HYPK: variants seen among roughly 807,000 people sequenced by gnomAD.
HYPK encodes huntingtin interacting protein K.
Under a neutral mutation model 13.9 loss-of-function variants are expected in HYPK, and 9 were observed. The observed-to-expected ratio is 0.65, with a 90% CI of 0.39 to 1.13. The LOEUF (loss-of-function observed/expected upper bound fraction) is 1.13. Ranked by LOEUF, HYPK falls within the 50% of genes most tolerant of loss-of-function variation. The pLI is 0.01. For synonymous variants in HYPK, 76 were observed against 57.0 expected, an observed-to-expected ratio of 1.33 and a Z score of -1.50; for missense variants, 138 against 157.6, an observed-to-expected ratio of 0.88 and a Z score of 0.67.
chr15:43,800,648 T>A lies in HYPK; in HGVS notation c.26T>A (p.Leu9Gln). 1 of 1,613,992 alleles carries A rather than the reference T, an allele frequency of 6.2e-7. No individual in the cohort carries two copies. The highest frequency in any genetic ancestry group is 8.5e-7 in the Non-Finnish European group (1 of 1,180,002). Reference sequence around the variant, plus strand: ...ATGGCGACCGAGGGGGATGTGGAGCTGGAGTTGGAGACTGAGACCAGTGGA... The same window carrying A: ...ATGGCGACCGAGGGGGATGTGGAGCAGGAGTTGGAGACTGAGACCAGTGGA... MATEGDVE[L>Q]ELETETSGPE... The change falls in exon 1 of 4, where the codon CTG (leucine) becomes CAG (glutamine). Residue 9 changes from leucine (L) to glutamine (Q), a missense_variant. Leu to Gln is a moderately radical substitution (Grantham distance 113, BLOSUM62 -2). This residue lies in a region of HYPK where 43 missense variants were observed against 30.4 expected (regional missense o/e 1.41). Transcript: ENST00000442995.
rs542367693 is a variant in HYPK at position 43,802,519 on chromosome 15, A to G, written c.*713A>G. The G allele has an allele frequency of 1.7e-4, 25 of 144,908 alleles. No homozygotes were observed. The highest frequency in any genetic ancestry group is 6.0e-4 in the African/African-American group (23 of 38,556). The allele number at this position is 144,908 out of a possible 1,614,324, so 9.0% of individuals were successfully genotyped here. On this transcript the variant is annotated 3_prime_UTR_variant, in exon 4 of 4. Transcript: ENST00000442995. ...AGAGGTTGCAGTGAGCTGAGATCAC[A>G]CTACTGTACTACTGTACTCCAGCCT...
chr15:43,801,189 TAAGTC>T lies in HYPK; in HGVS notation c.218+3_218+7del. 1 of 1,613,608 alleles carries T rather than the reference TAAGTC, an allele frequency of 6.2e-7. No individual in the cohort carries two copies. Among genetic ancestry groups the T allele is most frequent in the Non-Finnish European group, 8.5e-7 (1 of 1,179,622 alleles). ...GGAGCAGAAAGCCAAACAGGAGCGG[TAAGTC>T]TTCAGGGGCAGCCAACTTTAACAGT... On this transcript the variant is annotated splice_donor_5th_base_variant and intron_variant, in intron 2 of 3. Transcript: ENST00000442995.
chr15:43,802,013 A>C lies in HYPK; in HGVS notation c.*207A>C. 3.3e-5 allele frequency: 19 copies of C among 573,048 alleles called. No individual in the cohort carries two copies. Among genetic ancestry groups the C allele is most frequent in the Non-Finnish European group, 4.7e-5 (15 of 322,286 alleles). The allele number at this position is 573,048 out of a possible 1,614,324, so 35.5% of individuals were successfully genotyped here. ...AAAAATCAGTGTAGAAGAATACCTC[A>C]TGTGCAGATGCTAGGTGGCAGGCCA... is the stretch of plus-strand genomic sequence containing the variant. On this transcript the variant is annotated 3_prime_UTR_variant, in exon 4 of 4. Transcript: ENST00000442995.
In HYPK at chr15:43,802,265, T is replaced by A. The variant is rs2087326214; in HGVS notation, c.*459T>A. 6.4e-6 allele frequency: 1 copy of A among 155,982 alleles called. No homozygotes were observed. Among genetic ancestry groups the A allele is most frequent in the Admixed American group, 6.2e-5 (1 of 16,070 alleles). The allele number at this position is 155,982 out of a possible 1,614,324, so 9.7% of individuals were successfully genotyped here. A position where few individuals can be genotyped will look rare whatever the true frequency, so the allele number is the denominator to read the frequency against. On this transcript the variant is annotated 3_prime_UTR_variant, in exon 4 of 4. Transcript: ENST00000442995. Reference sequence around the variant, plus strand: ...TACCTACAACATGCTTGATTTTGAGTGATTAAAAAAAAATAATTTGGCTGG... The same window carrying A: ...TACCTACAACATGCTTGATTTTGAGAGATTAAAAAAAAATAATTTGGCTGG...
At position 43,801,572 on chromosome 15, in the gene HYPK, G is replaced by C. The variant is rs764226054; in HGVS notation, c.270+3G>C. On this transcript the variant is annotated splice_donor_region_variant and intron_variant, in intron 3 of 3. Coordinates refer to ENST00000442995, the MANE Select transcript of HYPK (RefSeq NM_016400.4). The stretch of plus-strand genomic sequence containing the variant: ...AGAAGGAAGATCTGGAGCTAATAGT[G>C]AGTGGTAGTGCCTAACTAGTGTATG... 5.6e-6 allele frequency: 9 copies of C among 1,613,582 alleles called. No individual in the cohort carries two copies. Among genetic ancestry groups the C allele is most frequent in the African/African-American group, 1.3e-5 (1 of 75,034 alleles).
rs2087328209 is a variant in HYPK at position 43,802,433 on chromosome 15, G to C, written c.*627G>C. On this transcript the variant is annotated 3_prime_UTR_variant, in exon 4 of 4. Transcript: ENST00000442995. ...AGAAAAATTAGCTGGGCATGGTGGT[G>C]GGCGCCTATAATCCCAGCTATTCTG... 6.6e-6 allele frequency: 1 copy of C among 152,196 alleles called. No homozygotes were observed. Among genetic ancestry groups the C allele is most frequent in the Admixed American group, 6.6e-5 (1 of 15,252 alleles). 9.4% of individuals were successfully genotyped at this position (152,196 alleles called of 1,614,324 possible). A position where few individuals can be genotyped will look rare whatever the true frequency, so the allele number is the denominator to read the frequency against.
chr15:43,801,414 G>T, intron 2 of HYPK, 104 bp from the exon 3 acceptor site: 1 of 1,046,666 alleles, frequency 9.6e-7, no homozygotes, highest in Non-Finnish European at 1.4e-6. Context: ...TTCAATCAAG[G>T]GTTTATCAAG....
rs2087310474 is a variant in HYPK at position 43,801,203 on chromosome 15, C to A, written c.218+16C>A. On this transcript the variant is annotated intron_variant, in intron 2 of 3. Transcript: ENST00000442995. ...AACAGGAGCGGTAAGTCTTCAGGGG[C>A]AGCCAACTTTAACAGTTCTTCCCTC... 1 of 1,610,022 alleles carries A rather than the reference C, an allele frequency of 6.2e-7. No homozygotes were observed. The highest frequency in any genetic ancestry group is 8.5e-7 in the Non-Finnish European group (1 of 1,176,292).
At chr15:43,801,089 A>G (rs1404632829) in intron 1 of HYPK, 43 bp from the exon 2 acceptor site, 1 of 1,542,676 alleles carries the variant, frequency 6.5e-7, no homozygotes, top group Admixed American at 1.7e-5. Flanking sequence ...ATTATTGGGA[A>G]TTGTGGGTAG....
At position 43,803,708 on chromosome 15, in the gene HYPK, C is replaced by G. The variant is rs1011333867; in HGVS notation, c.*1902C>G. ...ACTAGGGAGGCTGAGGCAGGAGAATCTCTTGAACCCAGGAGGTTGCAGTGA... is the reference window on the plus strand; with the variant it reads ...ACTAGGGAGGCTGAGGCAGGAGAATGTCTTGAACCCAGGAGGTTGCAGTGA... On this transcript the variant is annotated 3_prime_UTR_variant, in exon 4 of 4. Coordinates refer to ENST00000442995, the MANE Select transcript of HYPK (RefSeq NM_016400.4). 5.3e-5 allele frequency among the ~76,000 whole-genome samples: 8 copies of G among 149,546 alleles called. No homozygotes were observed. Among genetic ancestry groups the G allele is most frequent in the Admixed American group, 1.3e-4 (2 of 14,882 alleles).
chr15:43,800,907 A>G (rs893055423), intron 1 of HYPK, 123 bp downstream of exon 1: 1 of 1,051,004 alleles, frequency 9.5e-7, no homozygotes, highest in Non-Finnish European at 1.4e-6. Context: ...GCAATAGGGT[A>G]GAGCCGAGGG....
At position 43,801,889 on chromosome 15, in the gene HYPK, G is replaced by A; in HGVS notation, c.*83G>A. 9.4e-7 allele frequency: 1 copy of A among 1,060,082 alleles called. No homozygotes were observed. 65.7% of individuals were successfully genotyped at this position (1,060,082 alleles called of 1,614,324 possible). On this transcript the variant is annotated 3_prime_UTR_variant, in exon 4 of 4. Coordinates refer to ENST00000442995, the MANE Select transcript of HYPK (RefSeq NM_016400.4). The stretch of plus-strand genomic sequence containing the variant: ...GTCTTTTTCAGTTTTATCATCTTGG[G>A]TCAAGTAGAGTGTATACTATATCCT...
rs527653237 is a variant in HYPK at position 43,804,023 on chromosome 15, C to T, written c.*2217C>T. On this transcript the variant is annotated 3_prime_UTR_variant, in exon 4 of 4. Coordinates refer to ENST00000442995, the MANE Select transcript of HYPK (RefSeq NM_016400.4). ...AAAATTAGCCAGGCATGGTGGCAGG[C>T]GCCTGTAGTCCCAGCTACTCGGGAG... 2.6e-5 allele frequency among the ~76,000 whole-genome samples: 4 copies of T among 151,802 alleles called. No individual in the cohort carries two copies. The highest frequency in any genetic ancestry group is 4.8e-5 in the African/African-American group (2 of 41,380).
At chr15:43,801,616 G>T in intron 3 of HYPK, 47 bp downstream of exon 3, 2 of 1,607,284 alleles carry the variant, frequency 1.2e-6, no homozygotes. Context: ...AGGCTATTCT[G>T]CTTAATTTGG....
In HYPK at chr15:43,802,569, CAAAAAAAAAAAA is replaced by C. The variant is rs34069133; in HGVS notation, c.*774_*785del. 6.9e-5 allele frequency: 2 copies of C among 28,972 alleles called. No individual in the cohort carries two copies. Among genetic ancestry groups the C allele is most frequent in the Admixed American group, 4.5e-4 (1 of 2,238 alleles). 1.8% of individuals were successfully genotyped at this position (28,972 alleles called of 1,614,324 possible). ...TGGGGGAAAGAGTGAAACTCCATCT[CAAAAAAAAAAAA>C]AAAAAAAAAAGCCCGGGCACAGTGG... On this transcript the variant is annotated 3_prime_UTR_variant, in exon 4 of 4. Coordinates refer to ENST00000442995, the MANE Select transcript of HYPK (RefSeq NM_016400.4).
upstream of HYPK, chr15:43,800,521 T>C: frequency 6.9e-7 from 1 of 1,452,800 alleles, no homozygotes. Context: ...AGAAAGAAGG[T>C]GTGGCCCAGG....
Position 43,804,412 on chromosome 15 carries a change from C to G in HYPK, c.*2606C>G, listed in dbSNP as rs1278440309. On this transcript the variant is annotated 3_prime_UTR_variant, in exon 4 of 4. Coordinates refer to ENST00000442995, the MANE Select transcript of HYPK (RefSeq NM_016400.4). ...ATCTGTATTTGGTCATGGAATAAAT[C>G]CAGATGCTACCTAAAGCCAAGCTAG... is the stretch of plus-strand genomic sequence containing the variant. 1 of 152,154 alleles carries G rather than the reference C, an allele frequency of 6.6e-6. No homozygotes were observed. Among genetic ancestry groups the G allele is most frequent in the Non-Finnish European group, 1.5e-5 (1 of 68,038 alleles). 9.4% of individuals were successfully genotyped at this position (152,154 alleles called of 1,614,324 possible).
chr15:43,800,826 A>AT, intron 1 of HYPK, 42 bp downstream of exon 1: 1 of 1,531,608 alleles, frequency 6.5e-7, no homozygotes, highest in Non-Finnish European at 8.9e-7. Flanking sequence ...CTGAGAGCAG[A>AT]GGGGGGCTCT....
chr15:43,801,018 A>T (rs1308991538), intron 1 of HYPK, 114 bp from the exon 2 acceptor site: 4 of 987,186 alleles, frequency 4.1e-6, no homozygotes, highest in Non-Finnish European at 6.5e-6. Flanking sequence ...AGTCCTTGCT[A>T]CCTGGTAACA....
Sources: gnomAD v4.1 joint callset for allele counts (sites outside exome capture counted in the v4.1 genomes callset) on GRCh38, gnomAD v4.1.1 for gene constraint, gnomAD v4.1.1 regional missense constraint, MANE v1.5 for transcripts, NCBI Gene and HGNC (gene_info 2026-07-23, HGNC 2026-07-21) for gene names.